The following PDE1A variants were observed in gnomAD, a reference collection of about 807,000 sequenced individuals.
The protein encoded by PDE1A is phosphodiesterase 1A.
A neutral mutation model predicts 61.7 loss-of-function variants in PDE1A; 35 were observed. The ratio of observed to expected loss-of-function variants is 0.57; its 90% CI spans 0.43 to 0.75. PDE1A has a LOEUF of 0.75. Among genes scored for constraint, PDE1A ranks in the 30% least tolerant of loss-of-function variants. PDE1A has a pLI of 0.00. For missense variants in PDE1A, 597 were observed against 630.6 expected, an observed-to-expected ratio of 0.95 and a Z score of 0.57; for synonymous variants, 232 against 213.2, an observed-to-expected ratio of 1.09 and a Z score of -0.77.
At chr2:182,431,526 C>G (rs1703950495), upstream of PDE1A, among the ~76,000 whole-genome samples, 1 of 152,130 alleles carries the variant, frequency 6.6e-6, no homozygotes, top group Non-Finnish European at 1.5e-5. Context: ...AGAGGAAAAA[C>G]TACTGCATAT....
At chr2:182,452,656 T>C (rs1685608132) in intron 2 of PDE1A, among the ~76,000 whole-genome samples, 1 of 152,160 alleles carries the variant, frequency 6.6e-6, no homozygotes, top group South Asian at 2.1e-4. Context: ...TCTCAGTTTC[T>C]ACTGAAGCCC....
chr2:182,509,113 G>C (rs2125941247), intron 2 of PDE1A, among the ~76,000 whole-genome samples: 1 of 152,096 alleles, frequency 6.6e-6, no homozygotes, highest in South Asian at 2.1e-4. Flanking sequence ...TCTGAAATGG[G>C]CACCCAGACA....
chr2:182,693,835 C>G, the PDE1A span, among the ~76,000 whole-genome samples: 1 of 151,958 alleles, frequency 6.6e-6, no homozygotes. Flanking sequence ...TTAGTAGAGA[C>G]AGCATTTTGC....
chr2:182,482,334 C>T (rs953357782), intron 2 of PDE1A, among the ~76,000 whole-genome samples: 3 of 151,718 alleles, frequency 2.0e-5, no homozygotes, highest in African/African-American at 7.3e-5. Context: ...AAACCTTTAA[C>T]TTAATTTTTA....
chr2:182,593,098 G>C, the PDE1A span, among the ~76,000 whole-genome samples: 5 of 152,234 alleles, frequency 3.3e-5, no homozygotes, highest in African/African-American at 1.2e-4. Context: ...GAGACAGTGA[G>C]AGTTCTATGC....
intron 2 of PDE1A, among the ~76,000 whole-genome samples, chr2:182,257,437 CT>C (rs1430254403): frequency 6.6e-6 from 1 of 152,110 alleles, no homozygotes; most frequent in Non-Finnish European, 1.5e-5. Context: ...ATAAAAAATA[CT>C]TTGAATAGGT....
the PDE1A span, among the ~76,000 whole-genome samples, chr2:182,648,619 T>C: frequency 2.8e-4 from 43 of 150,966 alleles, no homozygotes; most frequent in African/African-American, 1.0e-3. Context: ...GAGGATCACT[T>C]GATCCCAGGA....
At chr2:182,618,641 C>T in the PDE1A span, among the ~76,000 whole-genome samples, 1 of 152,026 alleles carries the variant, frequency 6.6e-6, no homozygotes, top group Non-Finnish European at 1.5e-5. Context: ...TGCATACTGG[C>T]AATAGGTTTA....
the PDE1A span, among the ~76,000 whole-genome samples, chr2:182,632,823 A>C: frequency 6.6e-6 from 1 of 152,214 alleles, no homozygotes; most frequent in East Asian, 1.9e-4. Flanking sequence ...GGATATTATA[A>C]AACAATCTCA....
At chr2:182,619,430 G>A in the PDE1A span, among the ~76,000 whole-genome samples, 1 of 152,102 alleles carries the variant, frequency 6.6e-6, no homozygotes. Context: ...AGCCAGTCAT[G>A]CCTCAAAATG....
intron 10 of PDE1A, among the ~76,000 whole-genome samples, chr2:182,191,865 T>A (rs1010438390): frequency 6.6e-6 from 1 of 151,876 alleles, no homozygotes; most frequent in Non-Finnish European, 1.5e-5. Flanking sequence ...TTTATTTTTT[T>A]ATTTTTTTTG....
intron 1 of PDE1A, among the ~76,000 whole-genome samples, chr2:182,333,324 T>C (rs1456502884): frequency 6.6e-6 from 1 of 152,044 alleles, no homozygotes; most frequent in African/African-American, 2.4e-5. Context: ...CACCACATAA[T>C]TGGAAGTAAA....
chr2:182,243,296 T>TAC (rs1559243351), intron 2 of PDE1A, among the ~76,000 whole-genome samples: 5 of 152,124 alleles, frequency 3.3e-5, no homozygotes, highest in African/African-American at 9.6e-5. Flanking sequence ...AGAATTATGA[T>TAC]ATAAGGTTAA....
chr2:182,508,593 C>T (rs1689566842), intron 2 of PDE1A, among the ~76,000 whole-genome samples: 1 of 151,488 alleles, frequency 6.6e-6, no homozygotes. Context: ...CACTGAATAA[C>T]AGAATACCTA....
At chr2:182,429,455 T>C (rs1449437171), upstream of PDE1A, among the ~76,000 whole-genome samples, 4 of 152,072 alleles carry the variant, frequency 2.6e-5, no homozygotes, top group Admixed American at 2.0e-4. Flanking sequence ...TTATGAATAG[T>C]TTTTTTCCTG....
At position 182,284,595 on chromosome 2, in the gene PDE1A, G is replaced by T. The variant is rs114224804; in HGVS notation, c.54-20181C>A. 8.9e-3 allele frequency among the ~76,000 whole-genome samples: 1,359 copies of T among 151,942 alleles called. 11 individuals are homozygous for T. Among genetic ancestry groups the T allele is most frequent in the Non-Finnish European group, 0.011 (774 of 67,938 alleles). On this transcript the variant is annotated intron_variant, in intron 1 of 13. Transcript: ENST00000351439. ...CAACAAATTTATCTTGCTTAAAGGGGGCATGTTGGCTAAAATGATTCAGAA... is the reference window on the plus strand; with the variant it reads ...CAACAAATTTATCTTGCTTAAAGGGTGCATGTTGGCTAAAATGATTCAGAA...
chr2:182,422,100 G>C (rs1703315793), intron 1 of PDE1A, among the ~76,000 whole-genome samples: 1 of 152,148 alleles, frequency 6.6e-6, no homozygotes, highest in South Asian at 2.1e-4. Flanking sequence ...TTGAAACCTG[G>C]CTGCCTTTAG....
the PDE1A span, among the ~76,000 whole-genome samples, chr2:182,608,445 CGAG>C: frequency 1.3e-5 from 2 of 152,178 alleles, no homozygotes; most frequent in Non-Finnish European, 1.5e-5. Context: ...CCTCAGCTTG[CGAG>C]GAGATGTGGA....
At chr2:182,547,733 C>G in the PDE1A span, among the ~76,000 whole-genome samples, 1 of 152,076 alleles carries the variant, frequency 6.6e-6, no homozygotes, top group East Asian at 1.9e-4. Context: ...CCATTCTGAC[C>G]AAAAATCTCT....
Sources: allele counts gnomAD v4.1 joint callset (sites outside exome capture counted in the v4.1 genomes callset), GRCh38; gene constraint gnomAD v4.1.1; transcripts MANE v1.5; gene names NCBI Gene and HGNC (gene_info 2026-07-23, HGNC 2026-07-21).